ATP8A2: variants seen among roughly 807,000 people sequenced by gnomAD.
ATP8A2 encodes ATPase phospholipid transporting 8A2, also known as phospholipid-transporting ATPase IB.
Under a neutral mutation model 165.6 loss-of-function variants are expected in ATP8A2, and 100 were observed. The observed-to-expected ratio is 0.60, with a 90% CI of 0.51 to 0.71. The LOEUF (loss-of-function observed/expected upper bound fraction) is 0.71, where lower values mean the gene tolerates loss of function less well. Among genes scored for constraint, ATP8A2 ranks in the 30% least tolerant of loss-of-function variants. The pLI is 0.00. For synonymous variants in ATP8A2, 543 were observed against 548.8 expected (o/e 0.99, Z 0.15); for missense variants, 1,227 against 1,479.5 (o/e 0.83, Z 2.80).
intron 35 of ATP8A2, among the ~76,000 whole-genome samples, chr13:25,982,002 G>A (rs941696726): frequency 6.6e-6 from 1 of 152,156 alleles, no homozygotes; most frequent in South Asian, 2.1e-4. Flanking sequence ...AAAATTTTTA[G>A]TTCTCCCATA....
chr13:25,427,596 T>TA lies in ATP8A2; in HGVS notation c.77-41373dup, dbSNP rs895579462. Reference sequence around the variant, plus strand: ...TTTTCCTGGGAGCCTAAAACTTCTCTAAAAAAAACAAACAAATGGCTGAGC... The same window carrying TA: ...TTTTCCTGGGAGCCTAAAACTTCTCTAAAAAAAAACAAACAAATGGCTGAGC... On this transcript the variant is annotated intron_variant, in intron 1 of 36. Transcript: ENST00000381655. Among the ~76,000 whole-genome samples the TA allele has an allele frequency of 1.2e-3, 179 of 151,660 alleles. 2 individuals are homozygous for TA. Among genetic ancestry groups the TA allele is most frequent in the African/African-American group, 3.8e-3 (158 of 41,358 alleles).
intron 24 of ATP8A2, among the ~76,000 whole-genome samples, chr13:25,691,198 G>A (rs1241483149): frequency 6.6e-6 from 1 of 152,150 alleles, no homozygotes; most frequent in Non-Finnish European, 1.5e-5. Flanking sequence ...GTGAGGGAAG[G>A]GACTTGTCTG....
intron 24 of ATP8A2, among the ~76,000 whole-genome samples, chr13:25,671,320 T>C (rs1355406079): frequency 2.6e-5 from 4 of 152,120 alleles, no homozygotes; most frequent in Non-Finnish European, 4.4e-5. Context: ...TTGTACAGCA[T>C]GTGTGTTTGA....
At chr13:25,509,275 T>C (rs2037144303) in intron 2 of ATP8A2, among the ~76,000 whole-genome samples, 1 of 152,154 alleles carries the variant, frequency 6.6e-6, no homozygotes. Context: ...TCCCTCTAAA[T>C]TTGACAACCA....
chr13:25,770,604 A>G (rs1476087812), intron 26 of ATP8A2, among the ~76,000 whole-genome samples: 2 of 152,068 alleles, frequency 1.3e-5, no homozygotes, highest in Non-Finnish European at 2.9e-5. Flanking sequence ...TCTCTACTGC[A>G]GTTCTTCTGT....
chr13:25,735,876 G>A (rs2043757292), intron 25 of ATP8A2, among the ~76,000 whole-genome samples: 1 of 152,266 alleles, frequency 6.6e-6, no homozygotes, highest in Middle Eastern at 3.4e-3. Context: ...TAATATCCTA[G>A]GTCTTCAGAT....
intron 25 of ATP8A2, among the ~76,000 whole-genome samples, chr13:25,731,976 G>A (rs2043658280): frequency 6.6e-6 from 1 of 152,214 alleles, no homozygotes; most frequent in South Asian, 2.1e-4. Context: ...TAGGTGGGCA[G>A]TGTGTCCTCT....
chr13:25,703,047 A>C (rs183226570), intron 25 of ATP8A2, among the ~76,000 whole-genome samples: 48 of 152,246 alleles, frequency 3.2e-4, no homozygotes, highest in Non-Finnish European at 2.5e-4. Flanking sequence ...CACCAGCTTC[A>C]TATGGAATCA....
At chr13:25,982,010 A>G (rs973065466) in intron 35 of ATP8A2, among the ~76,000 whole-genome samples, 2 of 152,322 alleles carry the variant, frequency 1.3e-5, no homozygotes, top group African/African-American at 4.8e-5. Context: ...TAGTTCTCCC[A>G]TATCTATTTT....
At chr13:25,837,130 G>T in intron 28 of ATP8A2, 33 bp from the exon 29 acceptor site, 1 of 1,607,794 alleles carries the variant, frequency 6.2e-7, no homozygotes, top group Non-Finnish European at 8.5e-7. Flanking sequence ...GATCCGAAGG[G>T]CTGCTTTTAA....
chr13:25,574,589 A>G (rs12854617), intron 18 of ATP8A2, among the ~76,000 whole-genome samples: 70,070 of 151,932 alleles, frequency 0.46, 16,821 homozygotes, highest in African/African-American at 0.53. Context: ...AAGTGCCTGC[A>G]CTCCCCAACT....
Position 25,574,843 on chromosome 13 carries a change from C to A in ATP8A2, c.1698C>A (p.Val566=). The A allele has an allele frequency of 6.4e-7, 1 of 1,552,470 alleles. No individual in the cohort carries two copies. Among genetic ancestry groups the A allele is most frequent in the Non-Finnish European group, 8.9e-7 (1 of 1,126,046 alleles). Residue 566 remains valine, a synonymous_variant, in exon 19 of 37, where the codon GTC becomes GTA. Coordinates refer to ENST00000381655, the MANE Select transcript of ATP8A2 (RefSeq NM_016529.6). ...GQEQTFGILN[V]LEFSSDRKRM... ...AACAAACATTCGGAATCCTTAATGT[C>A]CTGGAATTTTCTAGGTATGTTTCTC...
intron 24 of ATP8A2, among the ~76,000 whole-genome samples, chr13:25,662,421 A>T (rs1047992642): frequency 6.6e-6 from 1 of 152,206 alleles, no homozygotes; most frequent in African/African-American, 2.4e-5. Context: ...GACTGATTCT[A>T]TATGGGATTC....
At chr13:25,673,927 A>G (rs9581418) in intron 24 of ATP8A2, among the ~76,000 whole-genome samples, 1,613 of 152,296 alleles carry the variant, frequency 0.011, 32 homozygotes, top group African/African-American at 0.036. Context: ...TACATAGTCC[A>G]TATGCCGCTT....
At chr13:25,549,290 T>A (rs1189717419) in intron 10 of ATP8A2, among the ~76,000 whole-genome samples, 2 of 152,036 alleles carry the variant, frequency 1.3e-5, no homozygotes, top group African/African-American at 4.8e-5. Context: ...AAACCCCATT[T>A]CTACTAAAAA....
intron 7 of ATP8A2, among the ~76,000 whole-genome samples, chr13:25,540,007 C>T (rs564334389): frequency 1.3e-5 from 2 of 152,294 alleles, no homozygotes; most frequent in Admixed American, 6.5e-5. Flanking sequence ...GTGGTTGGGT[C>T]TGACTGGGGA....
Position 26,012,636 on chromosome 13 carries a change from G to GT in ATP8A2, c.3469+14_3469+15insT, listed in dbSNP as rs1348577785. The GT allele has an allele frequency of 2.0e-5, 30 of 1,470,430 alleles. No individual in the cohort carries two copies. Among genetic ancestry groups the GT allele is most frequent in the Non-Finnish European group, 2.6e-5 (29 of 1,110,410 alleles). 91.1% of individuals were successfully genotyped at this position (1,470,430 alleles called of 1,614,324 possible). A position where few individuals can be genotyped will look rare whatever the true frequency, so the allele number is the denominator to read the frequency against. The stretch of plus-strand genomic sequence containing the variant: ...AGGGCGTCCCGCGTGAGTACCGCGG[G>GT]CGGGGGCTGATGGAGGAGTGGGTGT... On this transcript the variant is annotated intron_variant, in intron 36 of 36. Transcript: ENST00000381655.
chr13:25,986,066 C>A (rs938117093), intron 35 of ATP8A2, among the ~76,000 whole-genome samples: 2 of 151,248 alleles, frequency 1.3e-5, no homozygotes, highest in Non-Finnish European at 1.5e-5. Context: ...CTTTTTTTTT[C>A]TCTTCAGCTT....
chr13:26,019,821 A>C, intron 36 of ATP8A2, 67 bp from the exon 37 acceptor site: 1 of 1,191,876 alleles, frequency 8.4e-7, no homozygotes, highest in Non-Finnish European at 1.3e-6. Context: ...AAAGCAGCTT[A>C]TTTTAAACCT....
Sources: gnomAD v4.1 joint callset for allele counts (sites outside exome capture counted in the v4.1 genomes callset) on GRCh38, gnomAD v4.1.1 for gene constraint, MANE v1.5 for transcripts, NCBI Gene and HGNC (gene_info 2026-07-23, HGNC 2026-07-21) for gene names.